The following CEP85L variants were observed in gnomAD, a reference collection of about 807,000 sequenced individuals.
CEP85L encodes centrosomal protein of 85 kDa-like.
In CEP85L, 60 loss-of-function variants were observed where a neutral mutation model predicts 100.3. The observed-to-expected ratio is 0.60, with a 90% CI of 0.49 to 0.74. CEP85L has a LOEUF of 0.74. Ranked by LOEUF, CEP85L falls within the 30% of genes least tolerant of loss-of-function variation. The pLI is 0.00. For missense variants in CEP85L, 973 were observed against 936.2 expected (o/e 1.04, Z -0.51); for synonymous variants, 319 against 322.7 (o/e 0.99, Z 0.12).
At chr6:118,675,568 C>A (rs1776456182) in intron 1 of CEP85L, among the ~76,000 whole-genome samples, 1 of 151,010 alleles carries the variant, frequency 6.6e-6, no homozygotes, top group African/African-American at 2.4e-5. Flanking sequence ...AGAAAAGATT[C>A]CTTTTGAAAT....
intron 4 of CEP85L, among the ~76,000 whole-genome samples, chr6:118,511,740 G>A (rs1213868696): frequency 6.6e-6 from 1 of 152,082 alleles, no homozygotes; most frequent in Non-Finnish European, 1.5e-5. Context: ...AAGATAGTAT[G>A]AGTAAACAAA....
At position 118,558,650 on chromosome 6, in the gene CEP85L, CACACACACACAGAG is replaced by C. The variant is rs1473866668; in HGVS notation, c.1020+6865_1020+6878del. Among the ~76,000 whole-genome samples the C allele has an allele frequency of 1.3e-3, 176 of 136,736 alleles. 1 individual carries two copies. The highest frequency in any genetic ancestry group is 5.2e-3 in the African/African-American group (159 of 30,620). The allele number at this position is 136,736 out of a possible 152,430, so 89.7% of individuals were successfully genotyped here. A position where few individuals can be genotyped will look rare whatever the true frequency, so the allele number is the denominator to read the frequency against. ...ATACACACACACACACACACACACA[CACACACACACAGAG>C]AGAGAGAGAGAGAGAGAGAGAGAGG... On this transcript the variant is annotated intron_variant, in intron 3 of 12. Transcript: ENST00000368491.
Position 118,671,936 on chromosome 6 carries a change from C to G in CEP85L, c.-27-19128G>C, listed in dbSNP as rs559993750. Among the ~76,000 whole-genome samples the G allele has an allele frequency of 1.4e-3, 209 of 152,208 alleles. 1 individual carries two copies. The highest frequency in any genetic ancestry group is 2.6e-3 in the Non-Finnish European group (179 of 67,996). The stretch of plus-strand genomic sequence containing the variant: ...TGGGCGAAAGAGCGAGACTCTATCC[C>G]CCAAAAATAAATAAAAGGACAAAAA... On this transcript the variant is annotated intron_variant, in intron 1 of 13. Coordinates refer to the CEP85L transcript ENST00000368488.
intron 1 of CEP85L, among the ~76,000 whole-genome samples, chr6:118,665,548 G>A (rs1458585087): frequency 6.6e-6 from 1 of 151,686 alleles, no homozygotes; most frequent in African/African-American, 2.4e-5. Flanking sequence ...TTATAGAGAT[G>A]GGGTTTTGCC....
At chr6:118,521,821 G>A (rs2114777329) in intron 4 of CEP85L, among the ~76,000 whole-genome samples, 1 of 152,102 alleles carries the variant, frequency 6.6e-6, no homozygotes, top group Middle Eastern at 3.4e-3. Context: ...GCATAAATAA[G>A]CCTAGCTAAA....
chr6:118,649,255 T>C (rs1359325809), intron 1 of CEP85L, among the ~76,000 whole-genome samples: 1 of 152,248 alleles, frequency 6.6e-6, no homozygotes, highest in East Asian at 1.9e-4. Flanking sequence ...AGGCATGTCC[T>C]GACTTGTCAA....
intron 5 of CEP85L, chr6:118,502,709 C>T: frequency 2.1e-6 from 1 of 480,856 alleles, no homozygotes; most frequent in Non-Finnish European, 3.9e-6. Context: ...AATATGATGT[C>T]TCTTGGATCC....
At chr6:118,589,602 T>C (rs146600633) in intron 2 of CEP85L, 159 of 269,696 alleles carry the variant, frequency 5.9e-4, no homozygotes, top group Middle Eastern at 1.6e-3. Flanking sequence ...TAGTGATTTA[T>C]GAAGAGATCA....
chr6:118,667,109 G>A (rs979771156), intron 1 of CEP85L, among the ~76,000 whole-genome samples: 2 of 152,054 alleles, frequency 1.3e-5, no homozygotes, highest in African/African-American at 2.4e-5. Flanking sequence ...GGATCCTTCG[G>A]GTCCAGACTC....
chr6:118,527,998 A>G (rs980734633), intron 3 of CEP85L, among the ~76,000 whole-genome samples: 2 of 152,096 alleles, frequency 1.3e-5, no homozygotes, highest in African/African-American at 4.8e-5. Context: ...CTCTATTTCC[A>G]ATGACCACAC....
intron 10 of CEP85L, among the ~76,000 whole-genome samples, chr6:118,476,088 C>T (rs1332054672): frequency 7.2e-5 from 11 of 152,256 alleles, no homozygotes; most frequent in Middle Eastern, 3.4e-3. Flanking sequence ...GGCCCAAGAA[C>T]ATTCTTTCAT....
At chr6:118,488,702 C>G (rs1774354031) in intron 6 of CEP85L, among the ~76,000 whole-genome samples, 1 of 152,054 alleles carries the variant, frequency 6.6e-6, no homozygotes, top group Admixed American at 6.6e-5. Context: ...CATCCAGATC[C>G]AGGGGACCCA....
At chr6:118,635,732 C>T (rs1016914530) in intron 1 of CEP85L, among the ~76,000 whole-genome samples, 3 of 152,192 alleles carry the variant, frequency 2.0e-5, no homozygotes, top group Non-Finnish European at 4.4e-5. Context: ...AAGTCATGCT[C>T]CATTAAAGCC....
At chr6:118,493,515 T>C (rs1232820620) in intron 5 of CEP85L, among the ~76,000 whole-genome samples, 1 of 152,174 alleles carries the variant, frequency 6.6e-6, no homozygotes, top group East Asian at 1.9e-4. Flanking sequence ...TGAATATGGA[T>C]GTTATCATTT....
At chr6:118,483,285 G>A (rs1394595414) in intron 7 of CEP85L, among the ~76,000 whole-genome samples, 3 of 144,776 alleles carry the variant, frequency 2.1e-5, no homozygotes, top group Admixed American at 6.8e-5. Context: ...GAAGTCATAG[G>A]TCAAGGTATA....
intron 2 of CEP85L, among the ~76,000 whole-genome samples, chr6:118,604,045 A>G (rs1458527094): frequency 1.3e-5 from 2 of 152,240 alleles, no homozygotes; most frequent in Non-Finnish European, 2.9e-5. Context: ...CCAATAACAC[A>G]TTTATGCAAA....
At chr6:118,524,679 T>C (rs915408521) in intron 3 of CEP85L, among the ~76,000 whole-genome samples, 1 of 152,250 alleles carries the variant, frequency 6.6e-6, no homozygotes, top group African/African-American at 2.4e-5. Flanking sequence ...TTAGTTACAT[T>C]AGAATTTCAA....
At chr6:118,679,385 A>C (rs1010810811) in intron 1 of CEP85L, among the ~76,000 whole-genome samples, 1 of 152,244 alleles carries the variant, frequency 6.6e-6, no homozygotes, top group Non-Finnish European at 1.5e-5. Flanking sequence ...AGTAATGTGC[A>C]GAATGAACTA....
chr6:118,601,382 G>A (rs1781780497), intron 2 of CEP85L, among the ~76,000 whole-genome samples: 1 of 152,188 alleles, frequency 6.6e-6, no homozygotes, highest in African/African-American at 2.4e-5. Flanking sequence ...GGTAAAGACA[G>A]CATCAGCACC....
Sources: allele counts gnomAD v4.1 joint callset (sites outside exome capture counted in the v4.1 genomes callset), GRCh38; gene constraint gnomAD v4.1.1; transcripts MANE v1.5; gene names NCBI Gene and HGNC (gene_info 2026-07-23, HGNC 2026-07-21).